Variants in STK17B observed in about 807,000 individuals in gnomAD.
The protein encoded by STK17B is serine/threonine-protein kinase 17B.
In STK17B, 21 loss-of-function variants were observed where a neutral mutation model predicts 42.0. The ratio of observed to expected loss-of-function variants is 0.50; its 90% CI spans 0.35 to 0.72. STK17B has a LOEUF of 0.72. Ranked by LOEUF, STK17B falls within the 30% of genes least tolerant of loss-of-function variation. The pLI is 0.00. For synonymous variants in STK17B, 143 were observed against 148.4 expected, an observed-to-expected ratio of 0.96 and a Z score of 0.26; for missense variants, 349 against 446.0, an observed-to-expected ratio of 0.78 and a Z score of 1.96.
In STK17B at chr2:196,139,731, T is replaced by C; in HGVS notation, c.725A>G (p.Glu242Gly). The C allele has an allele frequency of 6.8e-7, 1 of 1,460,392 alleles. No homozygotes were observed. Among genetic ancestry groups the C allele is most frequent in the Non-Finnish European group, 9.1e-7 (1 of 1,104,168 alleles). 90.5% of individuals were successfully genotyped at this position (1,460,392 alleles called of 1,614,324 possible). Residue 242 changes from glutamate to glycine, a missense_variant, in exon 7 of 8, where the codon GAA becomes GGA. Transcript: ENST00000263955. Reference sequence around the variant, plus strand: ...AACTTGAGAAATATTGAGGTATGTTTCTTGATTATCTTCTCCCACAAATGG... The same window carrying C: ...AACTTGAGAAATATTGAGGTATGTTCCTTGATTATCTTCTCCCACAAATGG... ...TSPFVGEDNQ[E>G]TYLNISQVNV...
intron 2 of STK17B, among the ~76,000 whole-genome samples, chr2:196,161,391 CTCTA>C (rs371278548): frequency 6.6e-6 from 1 of 151,460 alleles, no homozygotes; most frequent in African/African-American, 2.4e-5. Flanking sequence ...GTTCTAAAAA[CTCTA>C]TCTTTTAATA....
At chr2:196,175,218 A>C (rs1035659636), upstream of STK17B, among the ~76,000 whole-genome samples, 1 of 152,204 alleles carries the variant, frequency 6.6e-6, no homozygotes, top group Non-Finnish European at 1.5e-5. Context: ...TACTTACAGC[A>C]TGTCCCAATT....
chr2:196,172,660 G>A (rs183472585), upstream of STK17B, among the ~76,000 whole-genome samples: 1 of 152,242 alleles, frequency 6.6e-6, no homozygotes, highest in Non-Finnish European at 1.5e-5. Flanking sequence ...ATGCATCACA[G>A]CCCTTTTATG....
intron 4 of STK17B, among the ~76,000 whole-genome samples, chr2:196,144,487 A>C (rs1463680595): frequency 4.1e-3 from 4 of 968 alleles, no homozygotes; most frequent in Non-Finnish European, 0.019. Context: ...ACTCTGTCTC[A>C]AAAAAAAAAA....
chr2:196,163,035 TC>T (rs1316728814), intron 2 of STK17B, among the ~76,000 whole-genome samples: 2 of 152,160 alleles, frequency 1.3e-5, no homozygotes, highest in Non-Finnish European at 2.9e-5. Flanking sequence ...AGACCTCCTA[TC>T]AGAGGCTCTG....
chr2:196,168,546 T>C (rs1312788024), intron 1 of STK17B, among the ~76,000 whole-genome samples: 1 of 152,198 alleles, frequency 6.6e-6, no homozygotes, highest in Non-Finnish European at 1.5e-5. Flanking sequence ...CATCTCACTG[T>C]TAAAATTTTT....
rs1699414267 is a variant in STK17B, at chr2:196,136,935, A to C, written c.*512T>G. On this transcript the variant is annotated 3_prime_UTR_variant, in exon 8 of 8. Transcript: ENST00000263955. Reference sequence around the variant, plus strand: ...CGAAGTTTCAAAATATTTGTAATTGAAAGACATTTTCAATTGTAAAATGTC... The same window carrying C: ...CGAAGTTTCAAAATATTTGTAATTGCAAGACATTTTCAATTGTAAAATGTC... 1 of 152,428 alleles carries C rather than the reference A, an allele frequency of 6.6e-6. No individual in the cohort carries two copies. The highest frequency in any genetic ancestry group is 1.5e-5 in the Non-Finnish European group (1 of 68,202). 9.4% of individuals were successfully genotyped at this position (152,428 alleles called of 1,614,324 possible). A position where few individuals can be genotyped will look rare whatever the true frequency, so the allele number is the denominator to read the frequency against.
At chr2:196,150,145 G>C (rs1353015072) in intron 3 of STK17B, among the ~76,000 whole-genome samples, 1 of 129,660 alleles carries the variant, frequency 7.7e-6, no homozygotes, top group Non-Finnish European at 1.6e-5. Flanking sequence ...TTCTGTTAAG[G>C]AAACCACCCT....
intron 4 of STK17B, among the ~76,000 whole-genome samples, chr2:196,144,220 G>T (rs1285986281): frequency 1.3e-5 from 2 of 151,414 alleles, no homozygotes; most frequent in Admixed American, 6.6e-5. Flanking sequence ...GCCGGGCATG[G>T]TGGCTCACGC....
At chr2:196,169,120 A>G (rs573316558) in intron 1 of STK17B, among the ~76,000 whole-genome samples, 14 of 130,068 alleles carry the variant, frequency 1.1e-4, no homozygotes, top group African/African-American at 4.3e-4. Flanking sequence ...TCTGTTGCCC[A>G]GGCTGGAGTG....
chr2:196,163,605 T>A (rs1376652991), intron 1 of STK17B, among the ~76,000 whole-genome samples, 178 bp from the exon 2 acceptor site: 1 of 151,936 alleles, frequency 6.6e-6, no homozygotes, highest in African/African-American at 2.4e-5. Flanking sequence ...AATAACACTA[T>A]GGCACTTGAA....
At chr2:196,145,763 T>C (rs960351198) in intron 4 of STK17B, 148 bp downstream of exon 4, 11 of 627,006 alleles carry the variant, frequency 1.8e-5, no homozygotes, top group African/African-American at 9.6e-5. Flanking sequence ...TAAGGCCACA[T>C]AGGCACACGT....
intron 2 of STK17B, among the ~76,000 whole-genome samples, chr2:196,162,253 G>A (rs185623364): frequency 3.5e-4 from 54 of 152,204 alleles, no homozygotes; most frequent in Admixed American, 7.2e-4. Context: ...CTCCTTGGCC[G>A]TACAGAGTTT....
chr2:196,171,881 C>T (rs1444982019), upstream of STK17B, among the ~76,000 whole-genome samples: 1 of 152,054 alleles, frequency 6.6e-6, no homozygotes, highest in Non-Finnish European at 1.5e-5. Flanking sequence ...AACTACTGCT[C>T]TGTGTACTCC....
rs1320886016 is a variant in STK17B, at chr2:196,163,308, C to G, written c.76G>C (p.Glu26Gln). ...TTTPQIPIKM[E>Q]NFNNFYILTS... ...AGTATATAGAAATTATTAAAGTTTT[C>G]CATTTTTATTGGAATTTGAGGAGTT... Residue 26 changes from glutamate to glutamine, a missense_variant, in exon 2 of 8, where the codon GAA (glutamate) becomes CAA (glutamine). Glu to Gln is a conservative substitution (Grantham distance 29, BLOSUM62 2). Transcript: ENST00000263955. 3 of 1,606,888 alleles carry G rather than the reference C, an allele frequency of 1.9e-6. No homozygotes were observed. Among genetic ancestry groups the G allele is most frequent in the Non-Finnish European group, 2.5e-6 (3 of 1,178,084 alleles).
chr2:196,166,955 C>T (rs1349220516), intron 1 of STK17B, among the ~76,000 whole-genome samples: 1 of 152,200 alleles, frequency 6.6e-6, no homozygotes, highest in Admixed American at 6.5e-5. Flanking sequence ...TATCTACAAG[C>T]TTTCAAGTAC....
intron 1 of STK17B, among the ~76,000 whole-genome samples, chr2:196,164,125 A>C (rs545133715): frequency 6.6e-6 from 1 of 152,166 alleles, no homozygotes; most frequent in Non-Finnish European, 1.5e-5. Flanking sequence ...GATAATAATT[A>C]TTCATTTTAA....
At position 196,163,575 on chromosome 2, in the gene STK17B, A is replaced by G. The variant is rs527285441; in HGVS notation, c.-44-148T>C. 5.3e-5 allele frequency: 28 copies of G among 528,256 alleles called. No individual in the cohort carries two copies. The East Asian group carries it at 9.5e-4, about 18-fold the overall frequency. 32.7% of individuals were successfully genotyped at this position (528,256 alleles called of 1,614,324 possible). A position where few individuals can be genotyped will look rare whatever the true frequency, so the allele number is the denominator to read the frequency against. The stretch of plus-strand genomic sequence containing the variant: ...TCTATCCACAAGGAGGAAAAAACAA[A>G]AAGCATACACATAAACCATAATAAC... On this transcript the variant is annotated intron_variant, in intron 1 of 7. Transcript: ENST00000263955.
chr2:196,140,207 A>G (rs1432856549), intron 6 of STK17B, among the ~76,000 whole-genome samples: 1 of 152,258 alleles, frequency 6.6e-6, no homozygotes, highest in East Asian at 1.9e-4. Flanking sequence ...TGGGCAGGCA[A>G]ATTTTTTCAC....
Sources: allele counts gnomAD v4.1 joint callset (sites outside exome capture counted in the v4.1 genomes callset), GRCh38; gene constraint gnomAD v4.1.1; transcripts MANE v1.5; gene names NCBI Gene and HGNC (gene_info 2026-07-23, HGNC 2026-07-21).